The following UBE2H variants were observed in gnomAD, a reference collection of about 807,000 sequenced individuals.
The protein encoded by UBE2H is ubiquitin-conjugating enzyme E2 H.
In UBE2H, 3 loss-of-function variants were observed where a neutral mutation model predicts 29.0. That is an observed-to-expected ratio of 0.10 (90% CI 0.05 to 0.27). The LOEUF (loss-of-function observed/expected upper bound fraction) is 0.27, where lower values mean the gene tolerates loss of function less well. Among genes scored for constraint, UBE2H ranks in the 10% least tolerant of loss-of-function variants. The pLI, the probability that UBE2H is intolerant of heterozygous loss-of-function variation, is 1.00. For synonymous variants in UBE2H, 69 were observed against 82.9 expected, an observed-to-expected ratio of 0.83 and a Z score of 0.91; for missense variants, 68 against 228.2, an observed-to-expected ratio of 0.30 and a Z score of 4.52.
At chr7:129,922,739 CTAATTA>C (rs1000725754) in intron 1 of UBE2H, among the ~76,000 whole-genome samples, 1 of 152,074 alleles carries the variant, frequency 6.6e-6, no homozygotes, top group Non-Finnish European at 1.5e-5. Flanking sequence ...TTATACTATT[CTAATTA>C]TATGTATCTG....
At chr7:129,900,901 C>G (rs550222256) in intron 1 of UBE2H, among the ~76,000 whole-genome samples, 2 of 152,146 alleles carry the variant, frequency 1.3e-5, no homozygotes, top group East Asian at 3.9e-4. Flanking sequence ...CAGGTGCCCA[C>G]CACCACGCCC....
At chr7:129,935,974 T>C (rs775757557) in intron 1 of UBE2H, among the ~76,000 whole-genome samples, 8 of 152,182 alleles carry the variant, frequency 5.3e-5, no homozygotes, top group Non-Finnish European at 1.0e-4. Context: ...AGAGAGAATA[T>C]GATTATTAAT....
rs79492629 is a variant in UBE2H at position 129,881,683 on chromosome 7, G to A, written c.54-712C>T. Among the ~76,000 whole-genome samples the A allele has an allele frequency of 3.2e-4, 48 of 151,880 alleles. No homozygotes were observed. The East Asian group carries it at 3.7e-3, about 12-fold the overall frequency. On this transcript the variant is annotated intron_variant, in intron 1 of 6. Coordinates refer to ENST00000355621, the MANE Select transcript of UBE2H (RefSeq NM_003344.4). ...TAAAAAATATACATGAAAAATAGGC[G>A]CTTAATTTTAGCTTTTCTCTCCCTT...
chr7:129,838,364 A>G (rs904536925), intron 6 of UBE2H, among the ~76,000 whole-genome samples: 2 of 152,188 alleles, frequency 1.3e-5, no homozygotes, highest in African/African-American at 4.8e-5. Context: ...GCTCTGGTAA[A>G]TTACTTCTAC....
intron 1 of UBE2H, among the ~76,000 whole-genome samples, chr7:129,912,167 C>A (rs1221573274): frequency 6.6e-6 from 1 of 152,166 alleles, no homozygotes; most frequent in African/African-American, 2.4e-5. Context: ...CCATGCCCAT[C>A]CATTTACGTA....
At chr7:129,850,049 C>A (rs71583738) in intron 5 of UBE2H, among the ~76,000 whole-genome samples, 3,322 of 152,236 alleles carry the variant, frequency 0.022, 51 homozygotes, top group Non-Finnish European at 0.031. Flanking sequence ...AAAAAACACA[C>A]CAAACTCTTC....
rs116363249 is a variant in UBE2H, at chr7:129,895,409, G to C, written c.54-14438C>G. Among the ~76,000 whole-genome samples, 291 of 152,242 alleles carry C rather than the reference G, an allele frequency of 1.9e-3. 1 individual carries two copies. Among genetic ancestry groups the C allele is most frequent in the African/African-American group, 6.9e-3 (285 of 41,530 alleles). ...CTACCTAATCACAGGAGGCTGGCAA[G>C]ACAAGGAAAACAAATCACAACCTTA... On this transcript the variant is annotated intron_variant, in intron 1 of 6. Coordinates refer to ENST00000355621, the MANE Select transcript of UBE2H (RefSeq NM_003344.4).
chr7:129,889,900 G>A (rs1806438399), intron 1 of UBE2H, among the ~76,000 whole-genome samples: 1 of 152,078 alleles, frequency 6.6e-6, no homozygotes, highest in Non-Finnish European at 1.5e-5. Context: ...TGACAGGGGA[G>A]GATCACATGA....
At chr7:129,857,453 A>G in intron 5 of UBE2H, 58 bp downstream of exon 5, 1 of 1,556,986 alleles carries the variant, frequency 6.4e-7, no homozygotes, top group South Asian at 1.2e-5. Context: ...AAAGCCAAAC[A>G]ACATTTTTTT....
Position 129,833,617 on chromosome 7 carries a change from C to T in UBE2H, c.*1320G>A, listed in dbSNP as rs577970592. 7 of 152,290 alleles carry T rather than the reference C, an allele frequency of 4.6e-5. No homozygotes were observed. In the East Asian group the frequency reaches 1.4e-3, roughly 29 times the overall value. The allele number at this position is 152,290 out of a possible 1,614,324, so 9.4% of individuals were successfully genotyped here. On this transcript the variant is annotated 3_prime_UTR_variant, in exon 7 of 7. Transcript: ENST00000355621. ...CAGGAGAGAAAACATTTTCTTCCTG[C>T]AGGGCATGTTCTACTACATCATATT...
intron 1 of UBE2H, among the ~76,000 whole-genome samples, chr7:129,917,188 G>A (rs550812901): frequency 1.3e-5 from 2 of 152,306 alleles, no homozygotes; most frequent in South Asian, 2.1e-4. Flanking sequence ...GCGAGACTCC[G>A]TCTCAAACAA....
chr7:129,899,695 G>A (rs554587101), intron 1 of UBE2H, among the ~76,000 whole-genome samples: 1 of 152,276 alleles, frequency 6.6e-6, no homozygotes, highest in South Asian at 2.1e-4. Flanking sequence ...TGTGAGACAG[G>A]TTAACTCCAG....
chr7:129,931,002 T>C (rs1377737027), intron 1 of UBE2H, among the ~76,000 whole-genome samples: 1 of 148,912 alleles, frequency 6.7e-6, no homozygotes, highest in Non-Finnish European at 1.5e-5. Flanking sequence ...GTGGATCACC[T>C]GAGGTCAGGA....
rs1485902838 is a variant in UBE2H, at chr7:129,952,583, T to A, written c.-28A>T. 2.5e-6 allele frequency: 4 copies of A among 1,607,084 alleles called. No homozygotes were observed. In the South Asian group the frequency reaches 4.4e-5, roughly 18 times the overall value. ...TGTCGCCGCCGCCTCTCTCCCTTCC[T>A]CGGCCCGTCTGTCACGGGCCCGGGG... is the stretch of plus-strand genomic sequence containing the variant. On this transcript the variant is annotated 5_prime_UTR_variant, in exon 1 of 7. Coordinates refer to ENST00000355621, the MANE Select transcript of UBE2H (RefSeq NM_003344.4).
intron 3 of UBE2H, 21 bp from the exon 4 acceptor site, chr7:129,858,962 T>A: frequency 8.1e-6 from 13 of 1,602,134 alleles, no homozygotes; most frequent in Non-Finnish European, 1.1e-5. Flanking sequence ...AGATGTTAAT[T>A]AGCAGCAAAA....
intron 3 of UBE2H, among the ~76,000 whole-genome samples, chr7:129,863,415 T>C (rs1349628401): frequency 6.6e-6 from 1 of 152,204 alleles, no homozygotes; most frequent in African/African-American, 2.4e-5. Context: ...TCTGTTTCTT[T>C]ACCTACGAAG....
At chr7:129,848,599 C>T (rs1282760147) in intron 5 of UBE2H, among the ~76,000 whole-genome samples, 2 of 152,188 alleles carry the variant, frequency 1.3e-5, no homozygotes, top group Non-Finnish European at 2.9e-5. Context: ...GTTGAAACTC[C>T]TGGGAATTTC....
chr7:129,942,767 C>T (rs1439377907), intron 1 of UBE2H, among the ~76,000 whole-genome samples: 1 of 151,668 alleles, frequency 6.6e-6, no homozygotes, highest in South Asian at 2.1e-4. Flanking sequence ...TACCTATTCA[C>T]AAAGATATAG....
intron 5 of UBE2H, among the ~76,000 whole-genome samples, chr7:129,839,975 G>A (rs990624592): frequency 2.0e-4 from 30 of 152,208 alleles, no homozygotes; most frequent in Non-Finnish European, 2.9e-4. Flanking sequence ...CTTCCAAAGT[G>A]CTGGGATTAC....
Sources: gnomAD v4.1 joint callset for allele counts (sites outside exome capture counted in the v4.1 genomes callset) on GRCh38, gnomAD v4.1.1 for gene constraint, MANE v1.5 for transcripts, NCBI Gene and HGNC (gene_info 2026-07-23, HGNC 2026-07-21) for gene names.